SCUBE1: variants seen among roughly 807,000 people sequenced by gnomAD.
The protein encoded by SCUBE1 is signal peptide, CUB domain and EGF like domain containing 1, also known as signal peptide, CUB and EGF-like domain-containing protein 1.
A neutral mutation model predicts 124.4 loss-of-function variants in SCUBE1; 59 were observed. The observed-to-expected ratio is 0.47, with a 90% CI of 0.38 to 0.59. SCUBE1 has a LOEUF of 0.59. SCUBE1 is among the 20% of genes least tolerant of loss of function. The probability of loss-of-function intolerance (pLI) is 0.00; values close to 1 mark genes in which losing one functional copy is unlikely to be tolerated. For missense variants in SCUBE1, 1,150 were observed against 1,371.2 expected, an observed-to-expected ratio of 0.84 and a Z score of 2.55; for synonymous variants, 545 against 550.9, an observed-to-expected ratio of 0.99 and a Z score of 0.15.
chr22:43,330,899 T>A (rs76263134), intron 2 of SCUBE1, among the ~76,000 whole-genome samples: 4 of 152,326 alleles, frequency 2.6e-5, no homozygotes, highest in African/African-American at 9.6e-5. Flanking sequence ...CACGTTAGCA[T>A]GCATAATTGC....
At chr22:43,261,910 G>C (rs1020244361) in intron 5 of SCUBE1, among the ~76,000 whole-genome samples, 2 of 152,166 alleles carry the variant, frequency 1.3e-5, no homozygotes, top group Non-Finnish European at 2.9e-5. Context: ...TCTCCCCCAC[G>C]TAGCTGTGGG....
intron 2 of SCUBE1, among the ~76,000 whole-genome samples, chr22:43,332,408 T>C (rs1223340353): frequency 1.3e-5 from 2 of 152,144 alleles, no homozygotes; most frequent in Admixed American, 6.5e-5. Context: ...CCAGGTCCTG[T>C]CTCAGACCAG....
intron 1 of SCUBE1, among the ~76,000 whole-genome samples, chr22:43,341,988 G>C (rs1412862492): frequency 6.6e-6 from 1 of 152,036 alleles, no homozygotes; most frequent in Admixed American, 6.5e-5. Context: ...GGATGATGGG[G>C]CAGCAGGGCT....
chr22:43,329,769 A>T (rs761687884), intron 2 of SCUBE1, among the ~76,000 whole-genome samples: 1 of 152,198 alleles, frequency 6.6e-6, no homozygotes, highest in Non-Finnish European at 1.5e-5. Flanking sequence ...CGTTCACACA[A>T]GGCCCCGAGT....
chr22:43,221,200 T>C lies in SCUBE1; in HGVS notation c.1522A>G (p.Lys508Glu). Residue 508 changes from lysine (K) to glutamate (E), a missense_variant, in exon 13 of 22, where the codon AAG becomes GAG. Lys to Glu is a moderately conservative substitution (Grantham distance 56). This residue lies in a region of SCUBE1 where 757 missense variants were observed against 840.9 expected (regional missense o/e 0.90). Coordinates refer to ENST00000360835, the MANE Select transcript of SCUBE1 (RefSeq NM_173050.5). ...AGCAGCGGCTGCCTGGCGGTCTCCT[T>C]TGCTCGTGCCTGGCTGTGGGGCCGG... ...HLRPHSQARA[K>E]ETARQPLLDH... The C allele has an allele frequency of 6.2e-7, 1 of 1,611,062 alleles. No individual in the cohort carries two copies. The highest frequency in any genetic ancestry group is 8.5e-7 in the Non-Finnish European group (1 of 1,179,930).
chr22:43,292,785 C>T (rs1303048197), intron 3 of SCUBE1, among the ~76,000 whole-genome samples: 4 of 152,340 alleles, frequency 2.6e-5, no homozygotes, highest in Middle Eastern at 3.4e-3. Flanking sequence ...ACCTAAGACA[C>T]CACACGGCTG....
Position 43,215,988 on chromosome 22 carries a change from T to C in SCUBE1, c.1892-1737A>G, listed in dbSNP as rs148666652. ...TTGGGGAATTTGGATGAAGAAAATA[T>C]GGAAGTTTTTTGTTCTGCTTGACAA... On this transcript the variant is annotated intron_variant, in intron 15 of 21. Transcript: ENST00000360835. Among the ~76,000 whole-genome samples the C allele has an allele frequency of 5.8e-4, 89 of 152,214 alleles. No individual in the cohort carries two copies. In the East Asian group the frequency reaches 0.017, roughly 29 times the overall value.
chr22:43,298,471 C>A (rs1009268780), intron 3 of SCUBE1, among the ~76,000 whole-genome samples: 1 of 152,230 alleles, frequency 6.6e-6, no homozygotes, highest in East Asian at 1.9e-4. Context: ...GACCAGCAAG[C>A]TCACTGCTCA....
intron 7 of SCUBE1, among the ~76,000 whole-genome samples, chr22:43,235,338 A>G (rs894535793): frequency 1.3e-5 from 2 of 151,764 alleles, no homozygotes; most frequent in African/African-American, 4.8e-5. Flanking sequence ...CCTCCTGCCC[A>G]TCTCACGTGG....
At chr22:43,298,540 T>C (rs1056944032) in intron 3 of SCUBE1, among the ~76,000 whole-genome samples, 10 of 152,146 alleles carry the variant, frequency 6.6e-5, no homozygotes, top group Admixed American at 6.5e-5. Flanking sequence ...TGCTGGCCGC[T>C]GGGGTCTGCT....
intron 1 of SCUBE1, among the ~76,000 whole-genome samples, chr22:43,340,349 C>T (rs1168202273): frequency 1.3e-5 from 2 of 152,092 alleles, no homozygotes; most frequent in Admixed American, 6.5e-5. Flanking sequence ...TGAGGGCTCC[C>T]GACACTCTCT....
intron 7 of SCUBE1, among the ~76,000 whole-genome samples, chr22:43,236,072 G>T (rs1423043379): frequency 6.6e-6 from 1 of 152,184 alleles, no homozygotes; most frequent in Non-Finnish European, 1.5e-5. Context: ...GCTTGACATT[G>T]ACATTTTGGC....
At chr22:43,308,847 G>C (rs1926071167) in intron 3 of SCUBE1, among the ~76,000 whole-genome samples, 1 of 152,216 alleles carries the variant, frequency 6.6e-6, no homozygotes, top group African/African-American at 2.4e-5. Flanking sequence ...AACAGACAGG[G>C]ACCGACCCCA....
chr22:43,271,000 C>T (rs1240999299), intron 4 of SCUBE1, among the ~76,000 whole-genome samples: 1 of 152,208 alleles, frequency 6.6e-6, no homozygotes, highest in East Asian at 1.9e-4. Flanking sequence ...CTCCCGGCCG[C>T]CCTGCACAAC....
At chr22:43,284,050 G>A (rs556555823) in intron 4 of SCUBE1, among the ~76,000 whole-genome samples, 1 of 152,234 alleles carries the variant, frequency 6.6e-6, no homozygotes, top group Non-Finnish European at 1.5e-5. Context: ...CAGCAAGCCC[G>A]AGCCCGCAGG....
chr22:43,247,727 C>T (rs1923273131), intron 6 of SCUBE1, among the ~76,000 whole-genome samples: 1 of 152,206 alleles, frequency 6.6e-6, no homozygotes, highest in Non-Finnish European at 1.5e-5. Context: ...GCCGTTGCCC[C>T]CCAGGTAGGT....
At position 43,258,234 on chromosome 22, in the gene SCUBE1, C is replaced by G. The variant is rs202126323; in HGVS notation, c.712G>C (p.Gly238Arg). 2.5e-6 allele frequency: 4 copies of G among 1,613,350 alleles called. No homozygotes were observed. Among genetic ancestry groups the G allele is most frequent in the Non-Finnish European group, 3.4e-6 (4 of 1,179,460 alleles). ...GCCTACTTACCGATGCACGTGCGAC[C>G]GTCTGAGTGGAGGGCGTACTTCTGG... The part of the protein sequence containing the change: ...CHQKYALHSD[G>R]RTCIETCAVN... The change falls in exon 6 of 22, where the codon GGT becomes CGT. Residue 238 changes from glycine to arginine, a missense_variant. Coordinates refer to ENST00000360835, the MANE Select transcript of SCUBE1 (RefSeq NM_173050.5). The surrounding 1 kb of genome is among the most constrained non-coding windows in gnomAD (Gnocchi z 5.0).
At chr22:43,212,754 G>C in intron 16 of SCUBE1, 162 bp from the exon 17 acceptor site, 2 of 691,752 alleles carry the variant, frequency 2.9e-6, no homozygotes, top group Non-Finnish European at 4.8e-6. Context: ...CAGCAGCCGG[G>C]GTGCAGGAAG....
chr22:43,207,560 A>G lies in SCUBE1; in HGVS notation c.2788T>C (p.Ser930Pro), dbSNP rs1187233301. The G allele has an allele frequency of 6.2e-7, 1 of 1,614,026 alleles. No homozygotes were observed. The highest frequency in any genetic ancestry group is 1.1e-5 in the South Asian group (1 of 91,086). ...DIVRDGRLYA[S>P]ENHQEILKDK... ...TTCAAAATTTCCTGGTGGTTCTCCG[A>G]GGCGTACAGGCGCCCATCGCGCACG... is the stretch of plus-strand genomic sequence containing the variant. The change falls in exon 21 of 22, where the codon TCG (serine) becomes CCG (proline). Residue 930 changes from serine to proline, a missense_variant. By Grantham distance (74) the Ser-to-Pro change is moderately conservative (BLOSUM62 -1). Coordinates refer to ENST00000360835, the MANE Select transcript of SCUBE1 (RefSeq NM_173050.5).
Sources: allele counts gnomAD v4.1 joint callset (sites outside exome capture counted in the v4.1 genomes callset), GRCh38; gene constraint gnomAD v4.1.1; regional missense constraint gnomAD v4.1.1; non-coding constraint Gnocchi (gnomAD v3.1); transcripts MANE v1.5; gene names NCBI Gene and HGNC (gene_info 2026-07-23, HGNC 2026-07-21).